FOXN2: variants seen among roughly 807,000 people sequenced by gnomAD.
The protein encoded by FOXN2 is forkhead box protein N2.
In FOXN2, 19 loss-of-function variants were observed where a neutral mutation model predicts 41.2. The observed-to-expected ratio is 0.46, with a 90% CI of 0.32 to 0.68. The LOEUF (loss-of-function observed/expected upper bound fraction) is 0.68, where lower values mean the gene tolerates loss of function less well. Among genes scored for constraint, FOXN2 ranks in the 30% least tolerant of loss-of-function variants. The pLI is 0.03. For missense variants in FOXN2, 587 were observed against 509.4 expected (o/e 1.15, Z -1.47); for synonymous variants, 195 against 176.8 (o/e 1.10, Z -0.82).
upstream of FOXN2, among the ~76,000 whole-genome samples, chr2:48,314,153 G>A (rs1398871827): frequency 6.6e-6 from 1 of 152,254 alleles, no homozygotes; most frequent in African/African-American, 2.4e-5. Flanking sequence ...AATGGCGGAA[G>A]GTCTTGCGGA....
chr2:48,353,676 C>T (rs895787907), intron 3 of FOXN2, among the ~76,000 whole-genome samples: 1 of 149,022 alleles, frequency 6.7e-6, no homozygotes, highest in East Asian at 2.1e-4. Context: ...CATCTTAATG[C>T]ATAATTCTCT....
intron 1 of FOXN2, among the ~76,000 whole-genome samples, chr2:48,325,265 C>A (rs2104144409): frequency 6.6e-6 from 1 of 152,234 alleles, no homozygotes; most frequent in East Asian, 1.9e-4. Flanking sequence ...AAAATAGACA[C>A]TAATAATGGC....
At chr2:48,318,222 A>G (rs561815308) in intron 1 of FOXN2, among the ~76,000 whole-genome samples, 1 of 152,338 alleles carries the variant, frequency 6.6e-6, no homozygotes, top group East Asian at 1.9e-4. Flanking sequence ...AGTACTATTA[A>G]CTACATACTT....
chr2:48,375,108 T>A lies in FOXN2; in HGVS notation c.961T>A (p.Ser321Thr). 6.2e-7 allele frequency: 1 copy of A among 1,614,108 alleles called. No homozygotes were observed. Among genetic ancestry groups the A allele is most frequent in the Non-Finnish European group, 8.5e-7 (1 of 1,179,982 alleles). The change falls in exon 7 of 7, where the codon TCT becomes ACT. Residue 321 changes from serine to threonine, a missense_variant. Coordinates refer to ENST00000340553, the MANE Select transcript of FOXN2 (RefSeq NM_002158.4). ...AQRCASRSSV[S>T]SLSSVDEVYE... ...GCGTTGTGCATCCAGGTCTAGCGTG[T>A]CTTCCCTGTCTTCTGTGGATGAGGT...
Position 48,373,281 on chromosome 2 carries a change from T to C in FOXN2, c.704-11T>C. 1 of 1,569,802 alleles carries C rather than the reference T, an allele frequency of 6.4e-7. No individual in the cohort carries two copies. Among genetic ancestry groups the C allele is most frequent in the African/African-American group, 1.4e-5 (1 of 73,224 alleles). ...AAAGAACATTAATATTATTACTTTT[T>C]CCCTTTTCAGAATCTGATATTGATG... On this transcript the variant is annotated splice_polypyrimidine_tract_variant and intron_variant, in intron 5 of 6. Coordinates refer to ENST00000340553, the MANE Select transcript of FOXN2 (RefSeq NM_002158.4).
Position 48,365,023 on chromosome 2 carries a change from G to A in FOXN2, c.703+2316G>A, listed in dbSNP as rs116574129. On this transcript the variant is annotated intron_variant, in intron 5 of 6. Transcript: ENST00000340553. ...GTATATCAAAATTCTGAATTAGTGG[G>A]TTTTTTTCTTGTAGATTAGTAGTAT... Among the ~76,000 whole-genome samples, 544 of 152,180 alleles carry A rather than the reference G, an allele frequency of 3.6e-3. 5 individuals are homozygous for A. Among genetic ancestry groups the A allele is most frequent in the African/African-American group, 0.012 (510 of 41,518 alleles).
rs1030776815 is a variant in FOXN2 at position 48,351,423 on chromosome 2, T to C, written c.537+4672T>C. On this transcript the variant is annotated intron_variant, in intron 3 of 6. Coordinates refer to ENST00000340553, the MANE Select transcript of FOXN2 (RefSeq NM_002158.4). Reference sequence around the variant, plus strand: ...TCATAATACGATATAGAAAGAAATATCATAATAGCAACATGAACAGAGTCA... The same window carrying C: ...TCATAATACGATATAGAAAGAAATACCATAATAGCAACATGAACAGAGTCA... Among the ~76,000 whole-genome samples, 11 of 152,164 alleles carry C rather than the reference T, an allele frequency of 7.2e-5. No homozygotes were observed. In the South Asian group the frequency reaches 1.7e-3, roughly 23 times the overall value.
chr2:48,319,243 A>G (rs1043132046), intron 1 of FOXN2, among the ~76,000 whole-genome samples: 1 of 147,648 alleles, frequency 6.8e-6, no homozygotes, highest in South Asian at 2.3e-4. Context: ...GTGAGAAGCC[A>G]TGCTTACATA....
rs899378916 is a variant in FOXN2, at chr2:48,377,721, A to G, written c.*2278A>G. ...AAAGCTAACAGGGAGAGGTTACACA[A>G]TATTTTACAGTTTCTTAAACATAAT... On this transcript the variant is annotated 3_prime_UTR_variant, in exon 7 of 7. Transcript: ENST00000340553. 1.1e-4 allele frequency: 16 copies of G among 152,092 alleles called. No individual in the cohort carries two copies. The highest frequency in any genetic ancestry group is 1.8e-4 in the Non-Finnish European group (12 of 67,932). 9.4% of individuals were successfully genotyped at this position (152,092 alleles called of 1,614,324 possible).
Position 48,341,942 on chromosome 2 carries a change from G to A in FOXN2, c.-14-4259G>A, listed in dbSNP as rs370263609. Among the ~76,000 whole-genome samples, 17 of 152,298 alleles carry A rather than the reference G, an allele frequency of 1.1e-4. No individual in the cohort carries two copies. The East Asian group carries it at 1.5e-3, about 14-fold the overall frequency. On this transcript the variant is annotated intron_variant, in intron 2 of 6. Transcript: ENST00000340553. Reference sequence around the variant, plus strand: ...ACAAGCTGTACTAAGAATATAAGAGGTGGCTTCTGTTTTTGACTTGAGCTC... The same window carrying A: ...ACAAGCTGTACTAAGAATATAAGAGATGGCTTCTGTTTTTGACTTGAGCTC...
intron 1 of FOXN2, among the ~76,000 whole-genome samples, chr2:48,317,744 G>A (rs1333254648): frequency 6.6e-6 from 1 of 150,508 alleles, no homozygotes; most frequent in Non-Finnish European, 1.5e-5. Context: ...AGTAGCTGGG[G>A]TTACAGGCCC....
At chr2:48,323,954 G>T (rs575869515) in intron 1 of FOXN2, among the ~76,000 whole-genome samples, 1 of 152,166 alleles carries the variant, frequency 6.6e-6, no homozygotes, top group South Asian at 2.1e-4. Flanking sequence ...ATCCAATTTA[G>T]TAGTGCTTTT....
chr2:48,333,316 A>T (rs1477387862), intron 2 of FOXN2, among the ~76,000 whole-genome samples: 1 of 152,078 alleles, frequency 6.6e-6, no homozygotes, highest in Non-Finnish European at 1.5e-5. Flanking sequence ...TACTATAATC[A>T]TAGTCCAATA....
chr2:48,349,317 C>G (rs373708035), intron 3 of FOXN2, among the ~76,000 whole-genome samples: 1 of 152,040 alleles, frequency 6.6e-6, no homozygotes, highest in African/African-American at 2.4e-5. Context: ...AAAACCCTGT[C>G]TCTACTAAAA....
chr2:48,369,929 GGTT>G (rs1305954158), intron 5 of FOXN2, among the ~76,000 whole-genome samples: 1 of 152,112 alleles, frequency 6.6e-6, no homozygotes, highest in African/African-American at 2.4e-5. Flanking sequence ...GAGCCTGGGA[GGTT>G]GAGGCTACAG....
rs574980247 is a variant in FOXN2 at position 48,317,595 on chromosome 2, C to CTTTTTTTTTTTTTTTTT, written c.-157+2795_-157+2811dup. Among the ~76,000 whole-genome samples the CTTTTTTTTTTTTTTTTT allele has an allele frequency of 4.0e-4, 14 of 34,746 alleles. 5 individuals are homozygous for CTTTTTTTTTTTTTTTTT. The highest frequency in any genetic ancestry group is 4.6e-4 in the Non-Finnish European group (8 of 17,474). The allele number at this position is 34,746 out of a possible 152,430, so 22.8% of individuals were successfully genotyped here. Reference sequence around the variant, plus strand: ...ACAATGCCTATAGCCTATAGTATTGCTTTTTTTTTTTTTTTTTTTTTTTTT... The same window carrying CTTTTTTTTTTTTTTTTT: ...ACAATGCCTATAGCCTATAGTATTGCTTTTTTTTTTTTTTTTTTTTTTTTTTTTTTTTTTTTTTTTTT... On this transcript the variant is annotated intron_variant, in intron 1 of 6. Transcript: ENST00000340553.
Position 48,373,317 on chromosome 2 carries a change from A to C in FOXN2, c.729A>C (p.Ala243=). The change falls in exon 6 of 7, where the codon GCA becomes GCC. Residue 243 remains alanine (A), a synonymous_variant. Coordinates refer to ENST00000340553, the MANE Select transcript of FOXN2 (RefSeq NM_002158.4). The part of the protein sequence containing the change: ...LKESDIDAAA[A]MMLLNTSIEQ... ...AATCTGATATTGATGCTGCTGCTGCAATGATGCTTTTAAATACTTCTATAG... is the reference window on the plus strand; with the variant it reads ...AATCTGATATTGATGCTGCTGCTGCCATGATGCTTTTAAATACTTCTATAG... The C allele has an allele frequency of 6.3e-7, 1 of 1,593,210 alleles. No individual in the cohort carries two copies. The highest frequency in any genetic ancestry group is 8.5e-7 in the Non-Finnish European group (1 of 1,170,676).
rs989451741 is a variant in FOXN2, at chr2:48,377,576, A to G, written c.*2133A>G. On this transcript the variant is annotated 3_prime_UTR_variant, in exon 7 of 7. Coordinates refer to ENST00000340553, the MANE Select transcript of FOXN2 (RefSeq NM_002158.4). The stretch of plus-strand genomic sequence containing the variant: ...CTTCAAAGTTATTTTGTCTTGATGT[A>G]TGTAACAGTAATTCTTTACATCTTT... 21 of 152,034 alleles carry G rather than the reference A, an allele frequency of 1.4e-4. No individual in the cohort carries two copies. Among genetic ancestry groups the G allele is most frequent in the African/African-American group, 4.6e-4 (19 of 41,434 alleles). 9.4% of individuals were successfully genotyped at this position (152,034 alleles called of 1,614,324 possible).
chr2:48,338,946 A>G (rs1407731917), intron 2 of FOXN2, among the ~76,000 whole-genome samples: 2 of 152,196 alleles, frequency 1.3e-5, no homozygotes, highest in Non-Finnish European at 2.9e-5. Context: ...GGGGAAAGAT[A>G]TTTGCATCAC....
Sources: gnomAD v4.1 joint callset for allele counts (sites outside exome capture counted in the v4.1 genomes callset) on GRCh38, gnomAD v4.1.1 for gene constraint, MANE v1.5 for transcripts, NCBI Gene and HGNC (gene_info 2026-07-23, HGNC 2026-07-21) for gene names.